The following ZFX variants were observed in gnomAD, a reference collection of about 807,000 sequenced individuals.
ZFX encodes the protein zinc finger protein X-linked.
For missense variants in ZFX, 362 were observed against 628.3 expected, an observed-to-expected ratio of 0.58 and a Z score of 4.53; for synonymous variants, 196 against 226.8, an observed-to-expected ratio of 0.86 and a Z score of 1.22.
chrX:24,205,945 T>C (rs190716606), intron 5 of ZFX, among the ~76,000 whole-genome samples: 1 of 112,008 alleles, frequency 8.9e-6, no homozygotes, highest in African/African-American at 3.2e-5. Context: ...TGTACCTCTT[T>C]TTTTTTTAAA....
At position 24,213,888 on chromosome X, in the gene ZFX, ATGAT is replaced by A. The variant is rs1252959844; in HGVS notation, c.*2515_*2518del. ...TATAAAATTAATACAGAAAATATAA[ATGAT>A]TGGGTCATTTAACTATATTTTTTTA... On this transcript the variant is annotated 3_prime_UTR_variant, in exon 10 of 10. Transcript: ENST00000304543. The A allele has an allele frequency of 1.8e-5, 2 of 110,875 alleles. No homozygotes were observed. The highest frequency in any genetic ancestry group is 3.8e-5 in the Non-Finnish European group (2 of 52,953). The allele number at this position is 110,875 out of a possible 1,213,427, so 9.1% of individuals were successfully genotyped here. A position where few individuals can be genotyped will look rare whatever the true frequency, so the allele number is the denominator to read the frequency against.
chrX:24,151,965 C>A (rs1932212674), intron 2 of ZFX, among the ~76,000 whole-genome samples, 165 bp downstream of exon 2: 1 of 111,754 alleles, frequency 8.9e-6, no homozygotes, highest in African/African-American at 3.3e-5. Context: ...ACAGCTGCTC[C>A]TTTTTTCTAT....
In ZFX at chrX:24,187,189, G is replaced by A. The variant is rs141388579; in HGVS notation, c.646+7419G>A. Among the ~76,000 whole-genome samples, 859 of 111,838 alleles carry A rather than the reference G, an allele frequency of 7.7e-3. 4 individuals carry two copies. The highest frequency in any genetic ancestry group is 0.011 in the Non-Finnish European group (593 of 53,169). ...GGCTATCTGCAGGTCTGATCATAGT[G>A]CACTGCAGCCTCGAATAATAGCTTC... On this transcript the variant is annotated intron_variant, in intron 5 of 9. Transcript: ENST00000304543.
chrX:24,169,389 G>A (rs995682709), intron 3 of ZFX, among the ~76,000 whole-genome samples: 3 of 110,799 alleles, frequency 2.7e-5, no homozygotes, highest in Non-Finnish European at 5.7e-5. Flanking sequence ...GAAGTAGTAT[G>A]ATCAAAGCAG....
intron 5 of ZFX, among the ~76,000 whole-genome samples, chrX:24,191,572 A>C (rs1220095660): frequency 1.8e-5 from 2 of 111,813 alleles, no homozygotes; most frequent in African/African-American, 6.5e-5. Flanking sequence ...CAGAACATCT[A>C]AGTTCTGGGG....
intron 3 of ZFX, among the ~76,000 whole-genome samples, chrX:24,161,288 C>A (rs1220221942): frequency 8.9e-6 from 1 of 111,863 alleles, no homozygotes; most frequent in East Asian, 2.8e-4. Flanking sequence ...GTAAAGATGT[C>A]CGTTCTCTCT....
intron 5 of ZFX, among the ~76,000 whole-genome samples, chrX:24,196,638 A>T (rs757921415): frequency 3.6e-5 from 4 of 110,207 alleles, no homozygotes; most frequent in Non-Finnish European, 7.6e-5. Flanking sequence ...TCTGTTGCCC[A>T]GGCTAGAGTG....
At chrX:24,167,641 A>G (rs1484342355) in intron 3 of ZFX, among the ~76,000 whole-genome samples, 8 of 112,356 alleles carry the variant, frequency 7.1e-5, no homozygotes, top group Admixed American at 4.7e-4. Flanking sequence ...CTTTTAAAGA[A>G]AAATTCAGTA....
At chrX:24,197,878 T>C (rs922243419) in intron 5 of ZFX, among the ~76,000 whole-genome samples, 4 of 111,875 alleles carry the variant, frequency 3.6e-5, no homozygotes, top group African/African-American at 1.3e-4. Context: ...GTAAAGGCCA[T>C]GGACCAACAT....
intron 5 of ZFX, among the ~76,000 whole-genome samples, chrX:24,193,675 C>T (rs988748984): frequency 8.9e-6 from 1 of 111,909 alleles, no homozygotes; most frequent in Non-Finnish European, 1.9e-5. Flanking sequence ...TTAGCTTTTC[C>T]TCTTTAAGCA....
At chrX:24,191,266 G>A (rs752715590) in intron 5 of ZFX, among the ~76,000 whole-genome samples, 2 of 111,245 alleles carry the variant, frequency 1.8e-5, no homozygotes, top group African/African-American at 3.3e-5. Flanking sequence ...TTAATTCCTC[G>A]TCTACGGAAT....
In ZFX at chrX:24,213,163, C is replaced by T. The variant is rs1204203843; in HGVS notation, c.*1787C>T. The stretch of plus-strand genomic sequence containing the variant: ...CTCGTGATCCACCTGCCTCGGCCTT[C>T]CATAGTGCTGGGTTTACAGGCGTGA... On this transcript the variant is annotated 3_prime_UTR_variant, in exon 10 of 10. Coordinates refer to ENST00000304543, the MANE Select transcript of ZFX (RefSeq NM_003410.4). 2 of 112,365 alleles carry T rather than the reference C, an allele frequency of 1.8e-5. No individual in the cohort carries two copies. Among genetic ancestry groups the T allele is most frequent in the Non-Finnish European group, 3.8e-5 (2 of 53,278 alleles). The allele number at this position is 112,365 out of a possible 1,213,427, so 9.3% of individuals were successfully genotyped here.
chrX:24,210,531 G>A lies in ZFX; in HGVS notation c.1573G>A (p.Glu525Lys), dbSNP rs1193330435. 2 of 1,210,110 alleles carry A rather than the reference G, an allele frequency of 1.7e-6. No individual in the cohort carries two copies. The highest frequency in any genetic ancestry group is 2.2e-6 in the Non-Finnish European group (2 of 895,381). Residue 525 changes from glutamate (E) to lysine (K), a missense_variant, in exon 10 of 10, where the codon GAA becomes AAA. Coordinates refer to ENST00000304543, the MANE Select transcript of ZFX (RefSeq NM_003410.4). Reference sequence around the variant, plus strand: ...CAAAATGCACAAGTGTAAATTCTGTGAATACGAGACAGCTGAACAAGGGTT... The same window carrying A: ...CAAAATGCACAAGTGTAAATTCTGTAAATACGAGACAGCTGAACAAGGGTT... The part of the protein sequence containing the change: ...ANKMHKCKFC[E>K]YETAEQGLLN...
chrX:24,152,910 T>C (rs987182561), intron 3 of ZFX, 80 bp downstream of exon 3: 3 of 112,579 alleles, frequency 2.7e-5, no homozygotes, highest in Admixed American at 9.4e-5. Context: ...CTTGAAACTT[T>C]GGAAAACTGA....
intron 3 of ZFX, among the ~76,000 whole-genome samples, chrX:24,164,940 G>GAAA (rs747389861): frequency 2.4e-5 from 2 of 81,812 alleles, no homozygotes; most frequent in Non-Finnish European, 4.8e-5. Context: ...AACTCCGTCT[G>GAAA]AAAAAAAAAA....
At chrX:24,155,957 C>G in intron 3 of ZFX, among the ~76,000 whole-genome samples, 1 of 112,096 alleles carries the variant, frequency 8.9e-6, no homozygotes, top group East Asian at 2.8e-4. Context: ...TGCAGTGGCA[C>G]GTGGTCTGGG....
chrX:24,174,636 G>A (rs1471876331), intron 4 of ZFX, among the ~76,000 whole-genome samples: 5 of 110,414 alleles, frequency 4.5e-5, no homozygotes, highest in African/African-American at 9.9e-5. Context: ...CTCGTGATTC[G>A]CCTGCCTCGG....
At chrX:24,190,688 G>A (rs1448334347) in intron 5 of ZFX, among the ~76,000 whole-genome samples, 3 of 111,534 alleles carry the variant, frequency 2.7e-5, no homozygotes, top group Non-Finnish European at 5.7e-5. Context: ...GCTTGGGGAG[G>A]GAAGAGAAAA....
chrX:24,191,283 A>G (rs1489541816), intron 5 of ZFX, among the ~76,000 whole-genome samples: 1 of 111,444 alleles, frequency 9.0e-6, no homozygotes, highest in Non-Finnish European at 1.9e-5. Flanking sequence ...GAATGAGGCT[A>G]ATTTCACTAA....
Sources: allele counts gnomAD v4.1 joint callset (sites outside exome capture counted in the v4.1 genomes callset), GRCh38; gene constraint gnomAD v4.1.1; transcripts MANE v1.5; gene names NCBI Gene and HGNC (gene_info 2026-07-23, HGNC 2026-07-21).